Variants in EEPD1 observed in about 807,000 individuals in gnomAD.
EEPD1 encodes the protein endonuclease/exonuclease/phosphatase family domain containing 1.
Under a neutral mutation model 46.3 loss-of-function variants are expected in EEPD1, and 17 were observed. That is an observed-to-expected ratio of 0.37 (90% CI 0.25 to 0.55). EEPD1 has a LOEUF of 0.55. Ranked by LOEUF, EEPD1 falls within the 20% of genes least tolerant of loss-of-function variation. The pLI is 0.83. For missense variants in EEPD1, 673 were observed against 745.6 expected, an observed-to-expected ratio of 0.90 and a Z score of 1.13; for synonymous variants, 313 against 315.6, an observed-to-expected ratio of 0.99 and a Z score of 0.09.
chr7:36,182,995 G>A (rs1448248153), intron 2 of EEPD1, among the ~76,000 whole-genome samples: 4 of 151,510 alleles, frequency 2.6e-5, no homozygotes. Context: ...CTGTAGCTCT[G>A]GGGTCAGGTG....
chr7:36,217,355 G>T (rs1786046224), intron 2 of EEPD1, among the ~76,000 whole-genome samples: 1 of 152,256 alleles, frequency 6.6e-6, no homozygotes, highest in African/African-American at 2.4e-5. Context: ...ACTGGCGAGA[G>T]TGTCTTTTAG....
chr7:36,171,928 A>G (rs1259571952), intron 2 of EEPD1, among the ~76,000 whole-genome samples: 1 of 152,222 alleles, frequency 6.6e-6, no homozygotes. Flanking sequence ...TGTGAAGTTC[A>G]TTTTTGATGT....
intron 2 of EEPD1, among the ~76,000 whole-genome samples, chr7:36,192,783 G>T (rs540195427): frequency 6.6e-6 from 1 of 152,302 alleles, no homozygotes; most frequent in African/African-American, 2.4e-5. Context: ...TGTTGTTTTC[G>T]TGAATGCGGT....
Position 36,253,244 on chromosome 7 carries a change from T to G in EEPD1, c.930+14208T>G, listed in dbSNP as rs1178575574. Among the ~76,000 whole-genome samples the G allele has an allele frequency of 2.0e-5, 3 of 152,346 alleles. No individual in the cohort carries two copies. The East Asian group carries it at 5.8e-4, about 29-fold the overall frequency. ...AGTGTATTATTTAATTTCCACAAAT[T>G]TGTGAATTTCTCATGTTATTGATTT... On this transcript the variant is annotated intron_variant, in intron 3 of 7. Coordinates refer to ENST00000242108, the MANE Select transcript of EEPD1 (RefSeq NM_030636.3).
At chr7:36,172,581 C>T (rs1785103128) in intron 2 of EEPD1, among the ~76,000 whole-genome samples, 1 of 151,612 alleles carries the variant, frequency 6.6e-6, no homozygotes, top group Non-Finnish European at 1.5e-5. Context: ...GAACACATCC[C>T]AACACAAATT....
chr7:36,243,620 A>G (rs1170767350), intron 3 of EEPD1, among the ~76,000 whole-genome samples: 2 of 152,152 alleles, frequency 1.3e-5, no homozygotes, highest in African/African-American at 2.4e-5. Flanking sequence ...GGACCTGCAC[A>G]GGCCTCCTCT....
At chr7:36,211,410 CAAG>C (rs1028522549) in intron 2 of EEPD1, among the ~76,000 whole-genome samples, 1 of 151,926 alleles carries the variant, frequency 6.6e-6, no homozygotes, top group African/African-American at 2.4e-5. Flanking sequence ...AGTAGGGAGA[CAAG>C]AAGGATAATT....
Position 36,280,602 on chromosome 7 carries a change from T to C in EEPD1, c.931-513T>C, listed in dbSNP as rs192403979. Among the ~76,000 whole-genome samples, 48 of 152,332 alleles carry C rather than the reference T, an allele frequency of 3.2e-4. No homozygotes were observed. In the East Asian group the frequency reaches 7.5e-3, roughly 24 times the overall value. On this transcript the variant is annotated intron_variant, in intron 3 of 7. Coordinates refer to ENST00000242108, the MANE Select transcript of EEPD1 (RefSeq NM_030636.3). ...TGCATGCCGCGTGCACGTGTGTGGG[T>C]GCAGCAGCAGCTCTCCGCAGCAAGA...
At chr7:36,254,452 A>G (rs1395850425) in intron 3 of EEPD1, among the ~76,000 whole-genome samples, 1 of 152,224 alleles carries the variant, frequency 6.6e-6, no homozygotes, top group African/African-American at 2.4e-5. Context: ...TGCAAAGGAC[A>G]TGAACTCATC....
Position 36,180,987 on chromosome 7 carries a change from G to A in EEPD1, c.878+25785G>A, listed in dbSNP as rs140847865. Reference sequence around the variant, plus strand: ...CCACACTTTCACTGCCCCCAGCAGCGTTTCTTAAAGCTGGGTTGGATCTGT... The same window carrying A: ...CCACACTTTCACTGCCCCCAGCAGCATTTCTTAAAGCTGGGTTGGATCTGT... On this transcript the variant is annotated intron_variant, in intron 2 of 7. Transcript: ENST00000242108. 5.3e-4 allele frequency among the ~76,000 whole-genome samples: 80 copies of A among 152,206 alleles called. No individual in the cohort carries two copies. In the East Asian group the frequency reaches 0.013, roughly 25 times the overall value.
intron 2 of EEPD1, among the ~76,000 whole-genome samples, chr7:36,237,478 T>C (rs1198256088): frequency 6.6e-6 from 1 of 152,110 alleles, no homozygotes; most frequent in East Asian, 1.9e-4. Context: ...TTCCATACCT[T>C]TTAAACAATA....
chr7:36,274,064 C>T (rs1001300601), intron 3 of EEPD1, among the ~76,000 whole-genome samples: 17 of 152,246 alleles, frequency 1.1e-4, no homozygotes, highest in African/African-American at 3.4e-4. Flanking sequence ...GCTCCCTGCC[C>T]TACCTTGGGC....
chr7:36,195,237 G>T (rs1179575656), intron 2 of EEPD1, among the ~76,000 whole-genome samples: 2 of 152,210 alleles, frequency 1.3e-5, no homozygotes, highest in Non-Finnish European at 2.9e-5. Flanking sequence ...AAGTGGGGAA[G>T]GGGGAGCATG....
chr7:36,219,772 AGAAAGAGAGAGAG>A, intron 2 of EEPD1, among the ~76,000 whole-genome samples: 1 of 125,124 alleles, frequency 8.0e-6, no homozygotes, highest in African/African-American at 3.3e-5. Context: ...AGAGAGAGAG[AGAAAGAGAGAGAG>A]AGAGAGAGAG....
intron 2 of EEPD1, among the ~76,000 whole-genome samples, chr7:36,199,521 C>A (rs939353959): frequency 6.6e-6 from 1 of 152,202 alleles, no homozygotes; most frequent in Non-Finnish European, 1.5e-5. Flanking sequence ...ACATCTGAAA[C>A]TCCCAGGACT....
chr7:36,189,980 C>G (rs1346272725), intron 2 of EEPD1, among the ~76,000 whole-genome samples: 1 of 151,742 alleles, frequency 6.6e-6, no homozygotes, highest in African/African-American at 2.4e-5. Context: ...GTAGTGAGAG[C>G]CTGTATCTTA....
chr7:36,196,475 T>A (rs1050530898), intron 2 of EEPD1, among the ~76,000 whole-genome samples: 1 of 152,182 alleles, frequency 6.6e-6, no homozygotes, highest in Non-Finnish European at 1.5e-5. Context: ...AAAGCTGGAC[T>A]GTACTGCTGC....
chr7:36,180,410 G>A (rs1003893880), intron 2 of EEPD1, among the ~76,000 whole-genome samples: 3 of 152,138 alleles, frequency 2.0e-5, no homozygotes, highest in Admixed American at 6.6e-5. Flanking sequence ...CCATTCTGGG[G>A]GTAGTGGAAG....
intron 2 of EEPD1, among the ~76,000 whole-genome samples, chr7:36,161,355 C>T (rs1261757452): frequency 1.3e-5 from 2 of 152,074 alleles, no homozygotes; most frequent in African/African-American, 4.8e-5. Flanking sequence ...TGCTAAGAGA[C>T]CTGAGAGCAC....
Sources: gnomAD v4.1 joint callset for allele counts (sites outside exome capture counted in the v4.1 genomes callset) on GRCh38, gnomAD v4.1.1 for gene constraint, MANE v1.5 for transcripts, NCBI Gene and HGNC (gene_info 2026-07-23, HGNC 2026-07-21) for gene names.